GALNT13: variants seen among roughly 807,000 people sequenced by gnomAD.
GALNT13 encodes polypeptide N-acetylgalactosaminyltransferase 13.
Under a neutral mutation model 64.2 loss-of-function variants are expected in GALNT13, and 28 were observed. The ratio of observed to expected loss-of-function variants is 0.44; its 90% CI spans 0.32 to 0.60. GALNT13 has a LOEUF of 0.60. Among genes scored for constraint, GALNT13 ranks in the 20% least tolerant of loss-of-function variants. The pLI, the probability that GALNT13 is intolerant of heterozygous loss-of-function variation, is 0.05. For missense variants in GALNT13, 577 were observed against 669.8 expected (o/e 0.86, Z 1.53); for synonymous variants, 214 against 224.6 (o/e 0.95, Z 0.42).
At chr2:153,395,758 G>C in the GALNT13 span, among the ~76,000 whole-genome samples, 1 of 152,032 alleles carries the variant, frequency 6.6e-6, no homozygotes, top group Non-Finnish European at 1.5e-5. Context: ...AATATTTCAG[G>C]GAAGAAGTCA....
the GALNT13 span, among the ~76,000 whole-genome samples, chr2:153,147,647 A>G: frequency 2.0e-5 from 3 of 150,898 alleles, no homozygotes; most frequent in South Asian, 6.3e-4. Flanking sequence ...GTCACCTTAT[A>G]TAAGGCAACA....
the GALNT13 span, among the ~76,000 whole-genome samples, chr2:153,558,097 C>G: frequency 6.6e-6 from 1 of 152,192 alleles, no homozygotes; most frequent in Non-Finnish European, 1.5e-5. Flanking sequence ...CTGTCTCCTT[C>G]TCTTGACTGG....
At chr2:154,101,389 T>C (rs59953542) in intron 3 of GALNT13, among the ~76,000 whole-genome samples, 39,599 of 151,710 alleles carry the variant, frequency 0.26, 7,229 homozygotes, top group East Asian at 0.82. Flanking sequence ...AGGAAGGCGG[T>C]ATGTTTATAA....
the GALNT13 span, among the ~76,000 whole-genome samples, chr2:153,274,618 C>G: frequency 6.6e-6 from 1 of 152,192 alleles, no homozygotes; most frequent in East Asian, 1.9e-4. Context: ...CAAAATGACT[C>G]TTGGGTGAGT....
intron 4 of GALNT13, among the ~76,000 whole-genome samples, chr2:154,206,789 A>T (rs1687480603): frequency 6.6e-6 from 1 of 150,886 alleles, no homozygotes; most frequent in Admixed American, 6.6e-5. Context: ...GTCTCAAAAA[A>T]CAACAACAAC....
chr2:153,146,338 C>T, the GALNT13 span, among the ~76,000 whole-genome samples: 3 of 151,742 alleles, frequency 2.0e-5, no homozygotes, highest in Non-Finnish European at 4.4e-5. Flanking sequence ...AGTTTATTTG[C>T]CAAGTTCCTT....
the GALNT13 span, among the ~76,000 whole-genome samples, chr2:153,852,767 A>G: frequency 4.6e-5 from 7 of 152,348 alleles, no homozygotes; most frequent in African/African-American, 9.6e-5. Context: ...TATAACAGCC[A>G]TATAACCTAG....
chr2:154,135,231 A>G (rs537603633), intron 3 of GALNT13, among the ~76,000 whole-genome samples: 11 of 152,160 alleles, frequency 7.2e-5, no homozygotes, highest in African/African-American at 2.4e-4. Context: ...ATGAGCATGC[A>G]TTATTTTTAT....
At chr2:153,937,987 A>G (rs1691070555) in intron 2 of GALNT13, among the ~76,000 whole-genome samples, 1 of 152,208 alleles carries the variant, frequency 6.6e-6, no homozygotes, top group African/African-American at 2.4e-5. Context: ...CAAAAGTTTT[A>G]CATTAAGGGT....
At chr2:153,856,987 A>T in the GALNT13 span, among the ~76,000 whole-genome samples, 1 of 152,162 alleles carries the variant, frequency 6.6e-6, no homozygotes, top group Non-Finnish European at 1.5e-5. Context: ...GGGCAAAAAA[A>T]GGTATATGCA....
At chr2:154,024,213 C>G (rs1442660800) in intron 3 of GALNT13, among the ~76,000 whole-genome samples, 1 of 152,036 alleles carries the variant, frequency 6.6e-6, no homozygotes, top group Non-Finnish European at 1.5e-5. Context: ...GTGGCATTCT[C>G]TGTATTTCCT....
intron 3 of GALNT13, among the ~76,000 whole-genome samples, chr2:154,124,513 T>A (rs1217764975): frequency 6.6e-6 from 1 of 152,080 alleles, no homozygotes; most frequent in Non-Finnish European, 1.5e-5. Context: ...TGACTTCTTT[T>A]CATTAGATGA....
At chr2:153,755,396 C>A in the GALNT13 span, among the ~76,000 whole-genome samples, 1 of 151,926 alleles carries the variant, frequency 6.6e-6, no homozygotes, top group Non-Finnish European at 1.5e-5. Context: ...CCCATTTGCC[C>A]ACATCCTGGC....
At chr2:153,341,889 G>A in the GALNT13 span, among the ~76,000 whole-genome samples, 1 of 152,104 alleles carries the variant, frequency 6.6e-6, no homozygotes, top group Non-Finnish European at 1.5e-5. Flanking sequence ...GGGTGGGGTG[G>A]TGGGGAGCAC....
chr2:154,106,668 T>G (rs1240825643), intron 3 of GALNT13, among the ~76,000 whole-genome samples: 1 of 151,962 alleles, frequency 6.6e-6, no homozygotes, highest in Non-Finnish European at 1.5e-5. Flanking sequence ...GAGTCTTACT[T>G]TTTTTCTTTA....
chr2:154,008,868 T>C lies in GALNT13; in HGVS notation c.142+64229T>C, dbSNP rs113397983. On this transcript the variant is annotated intron_variant, in intron 3 of 12. Coordinates refer to ENST00000392825, the MANE Select transcript of GALNT13 (RefSeq NM_052917.4). ...TTTATGGGCATTTAGGTTGATTACA[T>C]GTATTTACTATTGTGAATAGTGCTG... 6.8e-3 allele frequency among the ~76,000 whole-genome samples: 1,043 copies of C among 152,304 alleles called. 2 individuals carry two copies. Among genetic ancestry groups the C allele is most frequent in the Non-Finnish European group, 0.01 (694 of 68,016 alleles).
intron 9 of GALNT13, among the ~76,000 whole-genome samples, chr2:154,307,892 T>G (rs904954616): frequency 6.6e-6 from 1 of 152,144 alleles, no homozygotes; most frequent in Non-Finnish European, 1.5e-5. Context: ...GTAAAAAGCT[T>G]AAGAACTTTA....
At chr2:154,304,893 G>A (rs907632521) in intron 9 of GALNT13, among the ~76,000 whole-genome samples, 16 of 152,186 alleles carry the variant, frequency 1.1e-4, no homozygotes, top group East Asian at 9.6e-4. Context: ...TTATGTTTAC[G>A]TGTGTCTCAG....
intron 9 of GALNT13, among the ~76,000 whole-genome samples, chr2:154,356,380 A>T (rs1246619100): frequency 6.6e-6 from 1 of 151,980 alleles, no homozygotes; most frequent in East Asian, 1.9e-4. Context: ...ATTGGATTTT[A>T]GTTATGAGAA....
Sources: gnomAD v4.1 joint callset for allele counts (sites outside exome capture counted in the v4.1 genomes callset) on GRCh38, gnomAD v4.1.1 for gene constraint, MANE v1.5 for transcripts, NCBI Gene and HGNC (gene_info 2026-07-23, HGNC 2026-07-21) for gene names.